Variants in CACNB2 observed in about 807,000 individuals in gnomAD.
CACNB2 encodes the protein calcium voltage-gated channel auxiliary subunit beta 2, also known as voltage-dependent L-type calcium channel subunit beta-2.
Under a neutral mutation model 73.3 loss-of-function variants are expected in CACNB2, and 42 were observed. The ratio of observed to expected loss-of-function variants is 0.57; its 90% CI spans 0.45 to 0.74. CACNB2 has a LOEUF of 0.74. Among genes scored for constraint, CACNB2 ranks in the 30% least tolerant of loss-of-function variants. The probability of loss-of-function intolerance (pLI) is 0.00; values close to 1 mark genes in which losing one functional copy is unlikely to be tolerated. For synonymous variants in CACNB2, 348 were observed against 310.3 expected (o/e 1.12, Z -1.28); for missense variants, 940 against 853.0 (o/e 1.10, Z -1.27).
At position 18,360,440 on chromosome 10, in the gene CACNB2, A is replaced by T. The variant is rs144841216; in HGVS notation, c.214-41484A>T. 6.3e-3 allele frequency among the ~76,000 whole-genome samples: 965 copies of T among 152,144 alleles called. 8 individuals carry two copies. The highest frequency in any genetic ancestry group is 0.01 in the Non-Finnish European group (681 of 67,984). On this transcript the variant is annotated intron_variant, in intron 2 of 13. Transcript: ENST00000324631. ...GAATCTCACTTTGTTGCCCGGGCTG[A>T]TCTTAAATCCTGGCTTCAAGGGATC...
chr10:18,463,471 A>G (rs1427646030), intron 3 of CACNB2, among the ~76,000 whole-genome samples: 1 of 152,134 alleles, frequency 6.6e-6, no homozygotes, highest in Non-Finnish European at 1.5e-5. Context: ...CAATGGCACA[A>G]GCATAGCTCA....
Position 18,539,482 on chromosome 10 carries a change from C to G in CACNB2, c.1741C>G (p.His581Asp), listed in dbSNP as rs763777107. 1 of 1,614,006 alleles carries G rather than the reference C, an allele frequency of 6.2e-7. No homozygotes were observed. The highest frequency in any genetic ancestry group is 8.5e-7 in the Non-Finnish European group (1 of 1,180,004). ...AGATTATTCCCATGACCACGTGGAC[C>G]ACTATGCCTCACACCGTGACCACAA... ...KEDYSHDHVD[H>D]YASHRDHNHR... Residue 581 changes from histidine to aspartate, a missense_variant, in exon 14 of 14, where the codon CAC (histidine) becomes GAC (aspartate). Physicochemically the swap from His to Asp is moderately conservative, Grantham distance 81. Transcript: ENST00000324631.
chr10:18,289,526 C>T (rs1414774884), intron 2 of CACNB2, among the ~76,000 whole-genome samples: 2 of 151,974 alleles, frequency 1.3e-5, no homozygotes, highest in African/African-American at 4.8e-5. Context: ...AATCTCCTGA[C>T]CTCGTGATCT....
chr10:18,370,820 C>T (rs1438416786), intron 2 of CACNB2, among the ~76,000 whole-genome samples: 1 of 152,188 alleles, frequency 6.6e-6, no homozygotes, highest in Non-Finnish European at 1.5e-5. Flanking sequence ...GGTTGTTTTA[C>T]ACATACACGC....
At chr10:18,255,287 C>G (rs756544939) in intron 2 of CACNB2, among the ~76,000 whole-genome samples, 1 of 152,162 alleles carries the variant, frequency 6.6e-6, no homozygotes, top group Non-Finnish European at 1.5e-5. Flanking sequence ...GGCCTTCTCC[C>G]TTCTACCACG....
In CACNB2 at chr10:18,401,948, C is replaced by T; in HGVS notation, c.238C>T (p.Arg80Cys). 2 of 1,613,882 alleles carry T rather than the reference C, an allele frequency of 1.2e-6. No individual in the cohort carries two copies. The highest frequency in any genetic ancestry group is 1.7e-6 in the Non-Finnish European group (2 of 1,179,800). The stretch of plus-strand genomic sequence containing the variant: ...GGGTTCGGCAGACTCCTACACTAGC[C>T]GTCCATCCGATTCCGATGTATCTCT... Reference protein sequence around the residue: ...RQGSADSYTSRPSDSDVSLEE... With the variant: ...RQGSADSYTSCPSDSDVSLEE... The change falls in exon 3 of 14, where the codon CGT (arginine) becomes TGT (cysteine). Residue 80 changes from arginine (R) to cysteine (C), a missense_variant. Physicochemically the swap from Arg to Cys is radical, Grantham distance 180. Transcript: ENST00000324631.
At chr10:18,368,044 T>C (rs2132269998) in intron 2 of CACNB2, among the ~76,000 whole-genome samples, 1 of 152,298 alleles carries the variant, frequency 6.6e-6, no homozygotes, top group South Asian at 2.1e-4. Flanking sequence ...ATTATTTCAC[T>C]TTTTGTCATA....
intron 2 of CACNB2, among the ~76,000 whole-genome samples, chr10:18,166,067 G>C (rs910093141): frequency 6.6e-6 from 1 of 152,120 alleles, no homozygotes; most frequent in Non-Finnish European, 1.5e-5. Context: ...ATATGTACAA[G>C]TATACATCTG....
At chr10:18,319,945 G>T (rs1355078976) in intron 2 of CACNB2, among the ~76,000 whole-genome samples, 1 of 152,130 alleles carries the variant, frequency 6.6e-6, no homozygotes, top group African/African-American at 2.4e-5. Context: ...GGAGGCCAGT[G>T]GTGAGGATAG....
chr10:18,462,632 C>T (rs184766721), intron 3 of CACNB2, among the ~76,000 whole-genome samples: 12 of 152,280 alleles, frequency 7.9e-5, no homozygotes, highest in African/African-American at 2.9e-4. Flanking sequence ...CTTTCCCTGT[C>T]CCTCAAACTT....
At chr10:18,220,266 GAGAGAGAGAA>G (rs1221641267) in intron 2 of CACNB2, among the ~76,000 whole-genome samples, 4 of 128,544 alleles carry the variant, frequency 3.1e-5, no homozygotes, top group South Asian at 5.2e-4. Flanking sequence ...GAGAGAGAGA[GAGAGAGAGAA>G]AGAGAGAGAA....
At chr10:18,174,926 C>G (rs1224477857) in intron 2 of CACNB2, among the ~76,000 whole-genome samples, 1 of 152,048 alleles carries the variant, frequency 6.6e-6, no homozygotes, top group Admixed American at 6.5e-5. Flanking sequence ...GGTTTTCAGA[C>G]AGAAAAATTT....
intron 2 of CACNB2, among the ~76,000 whole-genome samples, chr10:18,319,276 A>G (rs2040308564): frequency 1.3e-5 from 2 of 152,184 alleles, no homozygotes; most frequent in African/African-American, 2.4e-5. Context: ...CATAAAAAGG[A>G]ATGAGATCAT....
rs1423731870 is a variant in CACNB2, at chr10:18,498,368, C to G, written c.347C>G (p.Ala116Gly). The change falls in exon 4 of 14, where the codon GCA (alanine) becomes GGA (glycine). Residue 116 changes from alanine (A) to glycine (G), a missense_variant. Transcript: ENST00000324631. ...QLEKAKTKPV[A>G]FAVRTNVSYS... ...TTCCCACTTTAGACAAAGCCCGTTG[C>G]ATTTGCGGTTCGGACAAATGTCAGC... 2 of 1,613,992 alleles carry G rather than the reference C, an allele frequency of 1.2e-6. No individual in the cohort carries two copies. The highest frequency in any genetic ancestry group is 3.3e-5 in the Admixed American group (2 of 60,008).
chr10:18,496,814 CA>C (rs905870687), intron 3 of CACNB2, among the ~76,000 whole-genome samples: 1,376 of 45,096 alleles, frequency 0.031, 6 homozygotes, highest in African/African-American at 0.086. Flanking sequence ...AACTCCGCCT[CA>C]AAAAAAAAAA....
chr10:18,154,022 T>C (rs12256445), intron 2 of CACNB2, among the ~76,000 whole-genome samples: 5,044 of 151,964 alleles, frequency 0.033, 271 homozygotes, highest in African/African-American at 0.12. Flanking sequence ...TAATTGGTAT[T>C]ACAAAGATAT....
At chr10:18,412,411 AT>A (rs914569650) in intron 3 of CACNB2, among the ~76,000 whole-genome samples, 3 of 151,836 alleles carry the variant, frequency 2.0e-5, no homozygotes, top group South Asian at 2.1e-4. Context: ...CTTCTGTCCT[AT>A]TTTTTTCCCT....
At chr10:18,366,261 C>G (rs925839311) in intron 2 of CACNB2, among the ~76,000 whole-genome samples, 2 of 150,722 alleles carry the variant, frequency 1.3e-5, no homozygotes, top group Admixed American at 1.3e-4. Context: ...GTCAGGAATT[C>G]GAGACCATCC....
At chr10:18,162,893 A>T (rs368519453) in intron 2 of CACNB2, among the ~76,000 whole-genome samples, 1 of 152,184 alleles carries the variant, frequency 6.6e-6, no homozygotes. Context: ...GATGTAAAAC[A>T]GTGGGGATGC....
Sources: allele counts gnomAD v4.1 joint callset (sites outside exome capture counted in the v4.1 genomes callset), GRCh38; gene constraint gnomAD v4.1.1; transcripts MANE v1.5; gene names NCBI Gene and HGNC (gene_info 2026-07-23, HGNC 2026-07-21).